Variants in RBFOX3 observed in about 807,000 individuals in gnomAD.
RBFOX3 encodes the protein RNA binding fox-1 homolog 3.
A neutral mutation model predicts 48.7 loss-of-function variants in RBFOX3; 17 were observed. That is an observed-to-expected ratio of 0.35 (90% CI 0.24 to 0.52). RBFOX3 has a LOEUF of 0.52. Among genes scored for constraint, RBFOX3 ranks in the 20% least tolerant of loss-of-function variants. The pLI is 0.94. For synonymous variants in RBFOX3, 212 were observed against 209.5 expected (o/e 1.01, Z -0.10); for missense variants, 382 against 497.5 (o/e 0.77, Z 2.21).
At chr17:79,354,622 A>G (rs1189623296) in intron 2 of RBFOX3, among the ~76,000 whole-genome samples, 2 of 152,256 alleles carry the variant, frequency 1.3e-5, no homozygotes, top group Admixed American at 1.3e-4. Flanking sequence ...ACAGGGACTG[A>G]GGCGTGGAAC....
chr17:79,107,444 C>G lies in RBFOX3; in HGVS notation c.223-656G>C, dbSNP rs143563843. Among the ~76,000 whole-genome samples, 299 of 152,334 alleles carry G rather than the reference C, an allele frequency of 2.0e-3. 1 individual carries two copies. The highest frequency in any genetic ancestry group is 6.8e-3 in the African/African-American group (282 of 41,576). ...CAGATGGGCTCCCAAAGACTTGGGT[C>G]TCAGGAAACAAAAGCCACCTGGCCC... On this transcript the variant is annotated intron_variant, in intron 5 of 14. Transcript: ENST00000693108.
At chr17:79,309,352 C>T (rs947788620) in intron 2 of RBFOX3, among the ~76,000 whole-genome samples, 1 of 151,866 alleles carries the variant, frequency 6.6e-6, no homozygotes, top group African/African-American at 2.4e-5. Flanking sequence ...TCTCCCACCC[C>T]GTGGCTCTGG....
intron 2 of RBFOX3, among the ~76,000 whole-genome samples, chr17:79,450,475 C>T (rs961463257): frequency 9.2e-5 from 14 of 151,978 alleles, no homozygotes; most frequent in Admixed American, 2.6e-4. Context: ...TCCAGGAAAA[C>T]GAATCACCCC....
chr17:79,496,060 C>T lies in RBFOX3; in HGVS notation c.-319-13462G>A, dbSNP rs1401968483. Among the ~76,000 whole-genome samples, 9 of 151,978 alleles carry T rather than the reference C, an allele frequency of 5.9e-5. No homozygotes were observed. In the East Asian group the frequency reaches 7.7e-4, roughly 13 times the overall value. ...TGTATGCCACAAATGGAGGGGACTG[C>T]GACCTTAATAGAATGCTGAACTTTT... is the stretch of plus-strand genomic sequence containing the variant. On this transcript the variant is annotated intron_variant, in intron 1 of 14. Transcript: ENST00000693108.
Position 79,103,286 on chromosome 17 carries a change from G to A in RBFOX3, c.415-32C>T, listed in dbSNP as rs890383846. 2.5e-5 allele frequency: 37 copies of A among 1,455,880 alleles called. No homozygotes were observed. Among genetic ancestry groups the A allele is most frequent in the East Asian group, 1.5e-4 (6 of 40,362 alleles). 90.2% of individuals were successfully genotyped at this position (1,455,880 alleles called of 1,614,324 possible). A position where few individuals can be genotyped will look rare whatever the true frequency, so the allele number is the denominator to read the frequency against. Reference sequence around the variant, plus strand: ...GCAGAGGAGAGGGAAGGACAGGCACGGAGAGGAGGACACAGGGCGAGAAAG... The same window carrying A: ...GCAGAGGAGAGGGAAGGACAGGCACAGAGAGGAGGACACAGGGCGAGAAAG... On this transcript the variant is annotated intron_variant, in intron 7 of 14. Transcript: ENST00000693108. The surrounding 1 kb of genome is among the most constrained non-coding windows in gnomAD (Gnocchi z 6.1).
At chr17:79,138,235 A>G (rs1301515247) in intron 4 of RBFOX3, among the ~76,000 whole-genome samples, 2 of 152,114 alleles carry the variant, frequency 1.3e-5, no homozygotes, top group Non-Finnish European at 2.9e-5. Context: ...TGCAACACGC[A>G]CACTCAGACC....
rs572232847 is a variant in RBFOX3, at chr17:79,471,839, C to A, written c.-175+10615G>T. 3.2e-4 allele frequency among the ~76,000 whole-genome samples: 48 copies of A among 152,304 alleles called. No individual in the cohort carries two copies. The highest frequency in any genetic ancestry group is 1.1e-3 in the African/African-American group (47 of 41,562). On this transcript the variant is annotated intron_variant, in intron 2 of 14. Coordinates refer to ENST00000693108, the MANE Select transcript of RBFOX3 (RefSeq NM_001350451.2). The surrounding 1 kb of genome is among the most constrained non-coding windows in gnomAD (Gnocchi z 4.0). ...GCCCCGTGTGTGACCCGGGATCCCA[C>A]CGTTCTCCAGGGTCGAGGGAGAACA...
chr17:79,620,034 C>CACGCGCGG, the RBFOX3 span, among the ~76,000 whole-genome samples: 1 of 151,700 alleles, frequency 6.6e-6, no homozygotes, highest in Non-Finnish European at 1.5e-5. Context: ...TGCACACATG[C>CACGCGCGG]ATATGCACAC....
chr17:79,621,835 G>A, the RBFOX3 span, among the ~76,000 whole-genome samples: 45 of 152,024 alleles, frequency 3.0e-4, no homozygotes, highest in Admixed American at 1.4e-3. Flanking sequence ...GGCAGCAGCT[G>A]CTGGTGGCTG....
chr17:79,367,985 C>G (rs1226283994), intron 2 of RBFOX3, among the ~76,000 whole-genome samples: 1 of 152,172 alleles, frequency 6.6e-6, no homozygotes, highest in Non-Finnish European at 1.5e-5. Context: ...AAACAACAAC[C>G]GAGGGTCAGG....
intron 3 of RBFOX3, among the ~76,000 whole-genome samples, chr17:79,247,308 G>GT (rs2063311651): frequency 1.1e-5 from 1 of 92,176 alleles, no homozygotes; most frequent in Non-Finnish European, 2.3e-5. Context: ...GAACATAATC[G>GT]TATTTTTTTT....
Position 79,111,117 on chromosome 17 carries a change from G to A in RBFOX3, c.223-4329C>T, listed in dbSNP as rs979968223. ...TGCGGGAGTTTCCGAGGAGGCTCAG[G>A]CCCGACGGACAGCAGAAAGGACAGA... On this transcript the variant is annotated intron_variant, in intron 5 of 14. Coordinates refer to ENST00000693108, the MANE Select transcript of RBFOX3 (RefSeq NM_001350451.2). This position sits in a 1 kb window ranked among gnomAD's most constrained non-coding sequence, Gnocchi z 4.2. Among the ~76,000 whole-genome samples, 25 of 152,228 alleles carry A rather than the reference G, an allele frequency of 1.6e-4. No homozygotes were observed. Among genetic ancestry groups the A allele is most frequent in the African/African-American group, 5.5e-4 (23 of 41,454 alleles).
At chr17:79,330,146 T>C (rs78077583) in intron 2 of RBFOX3, among the ~76,000 whole-genome samples, 15,579 of 152,276 alleles carry the variant, frequency 0.1, 1,061 homozygotes, top group Middle Eastern at 0.16. Context: ...CGCGTGTACC[T>C]GCGTGTCTTC....
intron 1 of RBFOX3, among the ~76,000 whole-genome samples, chr17:79,486,466 C>T (rs2079620958): frequency 6.6e-6 from 1 of 152,184 alleles, no homozygotes; most frequent in South Asian, 2.1e-4. Context: ...CTCCTCAACT[C>T]CCCTTCTTCT....
intron 2 of RBFOX3, among the ~76,000 whole-genome samples, chr17:79,387,485 TACTGC>T (rs2060715445): frequency 6.6e-6 from 1 of 152,212 alleles, no homozygotes; most frequent in African/African-American, 2.4e-5. Context: ...TAGGGATAAA[TACTGC>T]CAGGGCCCAC....
intron 1 of RBFOX3, among the ~76,000 whole-genome samples, chr17:79,552,676 C>T (rs1215134530): frequency 6.6e-6 from 1 of 152,128 alleles, no homozygotes; most frequent in East Asian, 1.9e-4. Flanking sequence ...GGCTTGGCTC[C>T]ATTTGGAGTT....
intron 4 of RBFOX3, among the ~76,000 whole-genome samples, chr17:79,180,339 T>C (rs373983420): frequency 2.0e-5 from 3 of 152,216 alleles, no homozygotes; most frequent in East Asian, 1.9e-4. Flanking sequence ...GACTATAGGC[T>C]TAGAAAGCCT....
intron 3 of RBFOX3, among the ~76,000 whole-genome samples, chr17:79,284,551 T>TA (rs1249927704): frequency 1.3e-5 from 2 of 150,654 alleles, no homozygotes; most frequent in African/African-American, 4.9e-5. Flanking sequence ...CGCTTTTTTT[T>TA]TTTGACATGG....
intron 1 of RBFOX3, among the ~76,000 whole-genome samples, chr17:79,610,396 G>A (rs1364832115): frequency 6.6e-6 from 1 of 151,698 alleles, no homozygotes. Context: ...GCGCGCCTCT[G>A]CCTCCCCCCG....
Sources: gnomAD v4.1 joint callset for allele counts (sites outside exome capture counted in the v4.1 genomes callset) on GRCh38, gnomAD v4.1.1 for gene constraint, Gnocchi (gnomAD v3.1) non-coding constraint, MANE v1.5 for transcripts, NCBI Gene and HGNC (gene_info 2026-07-23, HGNC 2026-07-21) for gene names.